PLEKHM3: variants seen among roughly 807,000 people sequenced by gnomAD.
PLEKHM3 encodes the protein pleckstrin homology domain-containing family M member 3.
PLEKHM3 carries 45 observed loss-of-function variants against 81.8 expected under a neutral mutation model. That is an observed-to-expected ratio of 0.55 (90% CI 0.43 to 0.71). PLEKHM3 has a LOEUF of 0.71. Among genes scored for constraint, PLEKHM3 ranks in the 30% least tolerant of loss-of-function variants. The pLI is 0.00. For missense variants in PLEKHM3, 788 were observed against 924.3 expected (o/e 0.85, Z 1.91); for synonymous variants, 352 against 356.4 (o/e 0.99, Z 0.14).
chr2:207,878,971 CT>C (rs1377857320), intron 6 of PLEKHM3, among the ~76,000 whole-genome samples: 2 of 152,086 alleles, frequency 1.3e-5, no homozygotes, highest in Non-Finnish European at 2.9e-5. Context: ...TCACTTGCTT[CT>C]AGTCTTTATC....
chr2:208,001,750 G>C lies in PLEKHM3; in HGVS notation c.-111C>G. The C allele has an allele frequency of 6.7e-7, 1 of 1,492,054 alleles. No individual in the cohort carries two copies. Among genetic ancestry groups the C allele is most frequent in the South Asian group, 1.4e-5 (1 of 73,276 alleles). 92.4% of individuals were successfully genotyped at this position (1,492,054 alleles called of 1,614,324 possible). A position where few individuals can be genotyped will look rare whatever the true frequency, so the allele number is the denominator to read the frequency against. ...AGCAATAGAGCTATGGAAACAACTG[G>C]AAGAAACCTTCATTGGGCTCCCTGG... is the stretch of plus-strand genomic sequence containing the variant. On this transcript the variant is annotated 5_prime_UTR_variant, in exon 2 of 8. Coordinates refer to ENST00000427836, the MANE Select transcript of PLEKHM3 (RefSeq NM_001080475.3).
intron 6 of PLEKHM3, among the ~76,000 whole-genome samples, chr2:207,905,941 A>T (rs1257759932): frequency 6.6e-6 from 1 of 152,182 alleles, no homozygotes; most frequent in Admixed American, 6.5e-5. Context: ...AAAAAAGAAA[A>T]GGGGGTGGAG....
chr2:207,839,939 T>C (rs1253400302), intron 7 of PLEKHM3, among the ~76,000 whole-genome samples: 1 of 151,984 alleles, frequency 6.6e-6, no homozygotes, highest in Non-Finnish European at 1.5e-5. Context: ...AATAAATAAA[T>C]AAATAAAATA....
intron 5 of PLEKHM3, among the ~76,000 whole-genome samples, chr2:207,914,050 A>G (rs184348780): frequency 1.3e-5 from 2 of 152,244 alleles, no homozygotes; most frequent in East Asian, 3.9e-4. Flanking sequence ...AGTGTTATAT[A>G]AAAAAGATTA....
chr2:207,881,230 T>C (rs958935833), intron 6 of PLEKHM3, among the ~76,000 whole-genome samples: 1 of 152,212 alleles, frequency 6.6e-6, no homozygotes. Flanking sequence ...CTAATTCTTC[T>C]GAAGATTATT....
chr2:207,934,580 T>A (rs1392527002), intron 4 of PLEKHM3, among the ~76,000 whole-genome samples: 1 of 152,204 alleles, frequency 6.6e-6, no homozygotes, highest in Non-Finnish European at 1.5e-5. Context: ...GAACTGATTC[T>A]TTCTTCACAA....
chr2:207,937,246 A>G (rs1334778485), intron 4 of PLEKHM3, among the ~76,000 whole-genome samples: 1 of 152,210 alleles, frequency 6.6e-6, no homozygotes, highest in Non-Finnish European at 1.5e-5. Context: ...CAAGTTATCT[A>G]TCACAGGACA....
At chr2:207,945,608 T>C (rs1027834383) in intron 4 of PLEKHM3, among the ~76,000 whole-genome samples, 1 of 152,124 alleles carries the variant, frequency 6.6e-6, no homozygotes, top group Non-Finnish European at 1.5e-5. Flanking sequence ...TACTCTACTA[T>C]AAGAAATATC....
chr2:207,923,725 C>A (rs944341620), intron 5 of PLEKHM3, among the ~76,000 whole-genome samples: 1 of 150,846 alleles, frequency 6.6e-6, no homozygotes, highest in African/African-American at 2.4e-5. Context: ...CTTAGAGAAC[C>A]TTAAAGCAAA....
intron 6 of PLEKHM3, among the ~76,000 whole-genome samples, chr2:207,889,081 G>C (rs1054220313): frequency 1.3e-5 from 2 of 152,112 alleles, no homozygotes; most frequent in Non-Finnish European, 2.9e-5. Flanking sequence ...GTGGTGATCT[G>C]AATGGGTCAT....
chr2:207,840,190 T>C (rs1481829855), intron 7 of PLEKHM3, among the ~76,000 whole-genome samples: 1 of 152,164 alleles, frequency 6.6e-6, no homozygotes. Context: ...CTAATGTGGG[T>C]TTTGTTTTTT....
chr2:207,876,110 A>G (rs1054650839), intron 6 of PLEKHM3, among the ~76,000 whole-genome samples: 1 of 152,226 alleles, frequency 6.6e-6, no homozygotes, highest in African/African-American at 2.4e-5. Context: ...TACAGTGAAC[A>G]AAAGCTACCA....
Position 207,827,179 on chromosome 2 carries a change from A to G in PLEKHM3, c.*1140T>C, listed in dbSNP as rs1213721040. The stretch of plus-strand genomic sequence containing the variant: ...ATTTTCTTAATAGTCCAAAGTTGGT[A>G]TTTTGAAGTTCCACATTACTCTGAT... On this transcript the variant is annotated 3_prime_UTR_variant, in exon 8 of 8. Coordinates refer to ENST00000427836, the MANE Select transcript of PLEKHM3 (RefSeq NM_001080475.3). 2.2e-4 allele frequency: 34 copies of G among 152,160 alleles called. No individual in the cohort carries two copies. 9.4% of individuals were successfully genotyped at this position (152,160 alleles called of 1,614,324 possible).
intron 7 of PLEKHM3, among the ~76,000 whole-genome samples, chr2:207,859,111 A>G (rs547392659): frequency 6.7e-6 from 1 of 148,158 alleles, no homozygotes; most frequent in South Asian, 2.1e-4. Context: ...ATGTTGCAGC[A>G]TGTATCAGTA....
At chr2:207,839,623 T>C (rs727412) in intron 7 of PLEKHM3, among the ~76,000 whole-genome samples, 101,667 of 151,982 alleles carry the variant, frequency 0.67, 34,315 homozygotes, top group Middle Eastern at 0.73. Context: ...CCAGCATCAC[T>C]AGAGAATTTG....
chr2:207,900,974 T>C (rs2621469), intron 6 of PLEKHM3: 118,765 of 402,268 alleles, frequency 0.3, 19,130 homozygotes, highest in Middle Eastern at 0.37. Flanking sequence ...AGCACTCAGA[T>C]GACTGCATGC....
chr2:207,853,350 G>C (rs2092422504), intron 7 of PLEKHM3, among the ~76,000 whole-genome samples: 1 of 151,574 alleles, frequency 6.6e-6, no homozygotes, highest in Admixed American at 6.6e-5. Flanking sequence ...CTGGGAGGCA[G>C]AGGTTGCAGT....
chr2:207,892,360 C>G (rs1479703369), intron 6 of PLEKHM3, among the ~76,000 whole-genome samples: 1 of 152,192 alleles, frequency 6.6e-6, no homozygotes, highest in East Asian at 1.9e-4. Context: ...ACCAATGCAT[C>G]ATAATCATTT....
chr2:207,845,970 A>G (rs1308803933), intron 7 of PLEKHM3, among the ~76,000 whole-genome samples: 1 of 152,354 alleles, frequency 6.6e-6, no homozygotes, highest in East Asian at 1.9e-4. Context: ...ACACAAATAC[A>G]AAATGCTGAG....
Sources: gnomAD v4.1 joint callset for allele counts (sites outside exome capture counted in the v4.1 genomes callset) on GRCh38, gnomAD v4.1.1 for gene constraint, MANE v1.5 for transcripts, NCBI Gene and HGNC (gene_info 2026-07-23, HGNC 2026-07-21) for gene names.